The following ABCG2 variants were observed in gnomAD, a reference collection of about 807,000 sequenced individuals.
ABCG2 encodes ATP binding cassette subfamily G member 2 (JR blood group).
Under a neutral mutation model 73.5 loss-of-function variants are expected in ABCG2, and 80 were observed. That is an observed-to-expected ratio of 1.09 (90% confidence interval 0.91 to 1.31). ABCG2 has a LOEUF of 1.31. Ranked by LOEUF, ABCG2 falls within the 50% of genes most tolerant of loss-of-function variation. The pLI, the probability that ABCG2 is intolerant of heterozygous loss-of-function variation, is 0.00. For synonymous variants in ABCG2, 269 were observed against 282.4 expected, an observed-to-expected ratio of 0.95 and a Z score of 0.48; for missense variants, 796 against 786.2, an observed-to-expected ratio of 1.01 and a Z score of -0.15.
chr4:88,153,397 G>A (rs1292934434), intron 1 of ABCG2, among the ~76,000 whole-genome samples: 1 of 152,028 alleles, frequency 6.6e-6, no homozygotes, highest in Non-Finnish European at 1.5e-5. Context: ...GCTGTATTTT[G>A]TCGCATTCCG....
chr4:88,203,966 A>G (rs1729282783), intron 1 of ABCG2, among the ~76,000 whole-genome samples: 1 of 152,184 alleles, frequency 6.6e-6, no homozygotes, highest in Non-Finnish European at 1.5e-5. Context: ...AAGGTATGCC[A>G]GCTCCAAACT....
chr4:88,150,382 AGT>A (rs1726375193), intron 1 of ABCG2, among the ~76,000 whole-genome samples: 1 of 152,180 alleles, frequency 6.6e-6, no homozygotes, highest in South Asian at 2.1e-4. Flanking sequence ...TATATGTCCA[AGT>A]GCTGGTCGAA....
At chr4:88,099,278 A>AG in intron 12 of ABCG2, 46 bp downstream of exon 12, 1 of 1,499,634 alleles carries the variant, frequency 6.7e-7, no homozygotes, top group Non-Finnish European at 8.9e-7. Context: ...CTTCACCCAT[A>AG]GGCAAGACTA....
intron 1 of ABCG2, among the ~76,000 whole-genome samples, chr4:88,210,059 T>G (rs868858029): frequency 6.6e-6 from 1 of 152,168 alleles, no homozygotes; most frequent in African/African-American, 2.4e-5. Flanking sequence ...GCATCCTGTA[T>G]AAGACTATTA....
chr4:88,097,648 G>A, intron 12 of ABCG2, 41 bp from the exon 13 acceptor site: 5 of 1,599,288 alleles, frequency 3.1e-6, no homozygotes, highest in Non-Finnish European at 4.3e-6. Flanking sequence ...CAACTGCCTA[G>A]GTCACCGTAT....
chr4:88,093,144 A>T (rs1277743053), intron 15 of ABCG2, among the ~76,000 whole-genome samples: 2 of 152,184 alleles, frequency 1.3e-5, no homozygotes, highest in Non-Finnish European at 2.9e-5. Context: ...GCCTGATACC[A>T]TTTTTGTGCA....
intron 5 of ABCG2, among the ~76,000 whole-genome samples, chr4:88,126,000 T>C (rs1478435463): frequency 6.6e-6 from 1 of 152,056 alleles, no homozygotes; most frequent in African/African-American, 2.4e-5. Flanking sequence ...CCAGGGCTGG[T>C]TTTTTGAAAA....
intron 13 of ABCG2, among the ~76,000 whole-genome samples, chr4:88,097,148 T>C (rs1578167715): frequency 6.6e-6 from 1 of 152,248 alleles, no homozygotes; most frequent in African/African-American, 2.4e-5. Flanking sequence ...CTTCTGATTT[T>C]TGAAATTCCA....
intron 1 of ABCG2, among the ~76,000 whole-genome samples, chr4:88,203,497 G>A (rs1437391001): frequency 6.6e-6 from 1 of 152,088 alleles, no homozygotes; most frequent in African/African-American, 2.4e-5. Flanking sequence ...CAGGCCAGGC[G>A]CGGTGGCTCA....
intron 1 of ABCG2, among the ~76,000 whole-genome samples, chr4:88,176,155 T>TCGG (rs778050082): frequency 4.1e-5 from 5 of 121,894 alleles, no homozygotes; most frequent in African/African-American, 1.5e-4. Flanking sequence ...ATGATTATTC[T>TCGG]TGTTTTTTTT....
chr4:88,115,121 T>C (rs1723446300), intron 7 of ABCG2, 63 bp from the exon 8 acceptor site: 8 of 1,147,786 alleles, frequency 7.0e-6, no homozygotes, highest in South Asian at 1.3e-5. Context: ...GAGAACTCAC[T>C]TTCAGAGGGT....
At position 88,230,381 on chromosome 4, in the gene ABCG2, C is replaced by T. The variant is rs553612098; in HGVS notation, c.-20+613G>A. On this transcript the variant is annotated intron_variant, in intron 1 of 15. Transcript: ENST00000515655. Reference sequence around the variant, plus strand: ...CGGAGTCTCGCACTGTCGCCGCACCCGGCCATATTTTCAATTTAAGCTGAA... The same window carrying T: ...CGGAGTCTCGCACTGTCGCCGCACCTGGCCATATTTTCAATTTAAGCTGAA... Among the ~76,000 whole-genome samples the T allele has an allele frequency of 7.9e-4, 117 of 148,068 alleles. 4 individuals are homozygous for T. The South Asian group carries it at 0.023, about 29-fold the overall frequency.
rs1233865024 is a variant in ABCG2 at position 88,121,633 on chromosome 4, A to G, written c.689+2T>C. ...AAAGAATAATGTTTCCAGAGCATTT[A>G]CCTTTTCAGGAGCAAAAGGACAGCA... On this transcript the variant is annotated splice_donor_variant, in intron 6 of 15. Transcript: ENST00000237612. LOFTEE classifies it high-confidence loss of function. 6.2e-7 allele frequency: 1 copy of G among 1,613,224 alleles called. No homozygotes were observed. The highest frequency in any genetic ancestry group is 8.5e-7 in the Non-Finnish European group (1 of 1,179,644).
At position 88,139,958 on chromosome 4, in the gene ABCG2, G is replaced by A. The variant is rs1319203095; in HGVS notation, c.38C>T (p.Ser13Leu). The change falls in exon 2 of 16, where the codon TCA (serine) becomes TTA (leucine). Residue 13 changes from serine (S) to leucine (L), a missense_variant. Coordinates refer to ENST00000237612, the MANE Select transcript of ABCG2 (RefSeq NM_004827.3). The part of the protein sequence containing the change: ...SSNVEVFIPV[S>L]QGNTNGFPAT... Reference sequence around the variant, plus strand: ...GGGGAAGCCATTGGTGTTTCCTTGTGACACTGGGATAAAAACTTCGACATT... The same window carrying A: ...GGGGAAGCCATTGGTGTTTCCTTGTAACACTGGGATAAAAACTTCGACATT... 1 of 1,614,130 alleles carries A rather than the reference G, an allele frequency of 6.2e-7. No individual in the cohort carries two copies. The highest frequency in any genetic ancestry group is 2.2e-5 in the East Asian group (1 of 44,886).
At chr4:88,152,649 AG>A (rs1038647653) in intron 1 of ABCG2, among the ~76,000 whole-genome samples, 2 of 152,196 alleles carry the variant, frequency 1.3e-5, no homozygotes, top group African/African-American at 4.8e-5. Context: ...TCATCAGTTA[AG>A]GCAGGAACCA....
At position 88,113,491 on chromosome 4, in the gene ABCG2, A is replaced by C. The variant is rs571543879; in HGVS notation, c.1006T>G (p.Tyr336Asp). 3.1e-6 allele frequency: 5 copies of C among 1,614,124 alleles called. No individual in the cohort carries two copies. In the South Asian group the frequency reaches 5.5e-5, roughly 18 times the overall value. Residue 336 changes from tyrosine to aspartate, a missense_variant, in exon 9 of 16, where the codon TAT (tyrosine) becomes GAT (aspartate). Transcript: ENST00000237612. Reference sequence around the variant, plus strand: ...TCTTTGTAGAAGGAGGAGTTGACATAAATCTCCGCTAATTTTTCTATGAGT... The same window carrying C: ...TCTTTGTAGAAGGAGGAGTTGACATCAATCTCCGCTAATTTTTCTATGAGT... ...KPLIEKLAEIYVNSSFYKETK... is the reference protein window; with the variant it reads ...KPLIEKLAEIDVNSSFYKETK...
chr4:88,096,059 A>C (rs1225030549), intron 13 of ABCG2, among the ~76,000 whole-genome samples: 1 of 152,196 alleles, frequency 6.6e-6, no homozygotes, highest in Non-Finnish European at 1.5e-5. Context: ...AAGATTTGTT[A>C]TTTACAAAGG....
chr4:88,145,088 T>G (rs1484386339), intron 1 of ABCG2, among the ~76,000 whole-genome samples: 7 of 151,826 alleles, frequency 4.6e-5, no homozygotes, highest in Non-Finnish European at 7.4e-5. Flanking sequence ...CAGACTCTAC[T>G]CTTCCTTTTT....
At chr4:88,166,893 G>A (rs1031875743) in intron 1 of ABCG2, among the ~76,000 whole-genome samples, 1 of 152,090 alleles carries the variant, frequency 6.6e-6, no homozygotes, top group Non-Finnish European at 1.5e-5. Flanking sequence ...GTCACTGAGT[G>A]GGATACTGGC....
Sources: allele counts gnomAD v4.1 joint callset (sites outside exome capture counted in the v4.1 genomes callset), GRCh38; gene constraint gnomAD v4.1.1; transcripts MANE v1.5; gene names NCBI Gene and HGNC (gene_info 2026-07-23, HGNC 2026-07-21).